The following ERBIN variants were observed in gnomAD, a reference collection of about 807,000 sequenced individuals.
ERBIN encodes densin-180-like protein.
Under a neutral mutation model 158.4 loss-of-function variants are expected in ERBIN, and 60 were observed. That is an observed-to-expected ratio of 0.38 (90% CI 0.31 to 0.47). The LOEUF is 0.47. Among genes scored for constraint, ERBIN ranks in the 20% least tolerant of loss-of-function variants. ERBIN has a pLI of 0.99. For synonymous variants in ERBIN, 594 were observed against 557.2 expected (o/e 1.07, Z -0.93); for missense variants, 1,610 against 1,648.0 (o/e 0.98, Z 0.40).
intron 4 of ERBIN, among the ~76,000 whole-genome samples, chr5:66,005,200 A>T (rs891235970): frequency 1.3e-5 from 2 of 152,094 alleles, no homozygotes; most frequent in Non-Finnish European, 2.9e-5. Flanking sequence ...CAGCCCCTGG[A>T]TATGCTTGAA....
chr5:65,973,943 AGTG>A (rs1308770801), intron 1 of ERBIN, among the ~76,000 whole-genome samples: 4 of 151,428 alleles, frequency 2.6e-5, no homozygotes, highest in Admixed American at 2.6e-4. Flanking sequence ...AATACATAAA[AGTG>A]GGCTGAGGCC....
At position 66,044,276 on chromosome 5, in the gene ERBIN, A is replaced by G. The variant is rs1369396014; in HGVS notation, c.1568A>G (p.Asp523Gly). 6.9e-6 allele frequency: 11 copies of G among 1,604,182 alleles called. No individual in the cohort carries two copies. The African/African-American group carries it at 8.1e-5, about 12-fold the overall frequency. Residue 523 changes from aspartate (D) to glycine (G), a missense_variant, in exon 17 of 26, where the codon GAT becomes GGT. Transcript: ENST00000284037. The part of the protein sequence containing the change: ...DSGRDLKPHE[D>G]QQDINKDVGV... The stretch of plus-strand genomic sequence containing the variant: ...GGAAGAGATTTGAAACCACATGAAG[A>G]TCAACAAGATATAAATAAAGATGTG...
Position 66,054,252 on chromosome 5 carries a change from T to C in ERBIN, c.2934T>C (p.Asn978=). 6.2e-7 allele frequency: 1 copy of C among 1,614,034 alleles called. No individual in the cohort carries two copies. Among genetic ancestry groups the C allele is most frequent in the Non-Finnish European group, 8.5e-7 (1 of 1,179,942 alleles). The part of the protein sequence containing the change: ...APQIYGPPQY[N]IQYSSSAAVK... Reference sequence around the variant, plus strand: ...AAATATATGGTCCTCCACAGTATAATATCCAATACAGTAGCAGTGCTGCAG... The same window carrying C: ...AAATATATGGTCCTCCACAGTATAACATCCAATACAGTAGCAGTGCTGCAG... The change falls in exon 21 of 26, where the codon AAT becomes AAC. Residue 978 remains asparagine, a synonymous_variant. Transcript: ENST00000284037.
intron 14 of ERBIN, among the ~76,000 whole-genome samples, chr5:66,035,611 T>C (rs1469606079): frequency 6.6e-6 from 1 of 152,168 alleles, no homozygotes; most frequent in African/African-American, 2.4e-5. Context: ...CTGGTCCAAA[T>C]TGAGATTTGG....
At chr5:65,973,992 T>A (rs1749575132) in intron 1 of ERBIN, among the ~76,000 whole-genome samples, 1 of 151,136 alleles carries the variant, frequency 6.6e-6, no homozygotes, top group Admixed American at 6.6e-5. Flanking sequence ...TCCAGCACTT[T>A]GGGAGGCTGA....
Position 65,995,485 on chromosome 5 carries a change from T to A in ERBIN, c.307+621T>A, listed in dbSNP as rs929820424. On this transcript the variant is annotated intron_variant, in intron 4 of 25. Transcript: ENST00000284037. ...TTTCTTCTTTTTAAAGGCTGAATAGTATTCCATTGTGTATATCATATTTTC... is the reference window on the plus strand; with the variant it reads ...TTTCTTCTTTTTAAAGGCTGAATAGAATTCCATTGTGTATATCATATTTTC... Among the ~76,000 whole-genome samples, 3 of 152,318 alleles carry A rather than the reference T, an allele frequency of 2.0e-5. No homozygotes were observed. In the East Asian group the frequency reaches 5.8e-4, roughly 29 times the overall value.
At chr5:66,039,476 CAAAGA>C (rs1757733971) in intron 15 of ERBIN, among the ~76,000 whole-genome samples, 1 of 151,840 alleles carries the variant, frequency 6.6e-6, no homozygotes, top group East Asian at 1.9e-4. Flanking sequence ...TCTTCAGAGA[CAAAGA>C]AAAGTAGGAA....
At chr5:65,958,601 G>A (rs1186112770) in intron 1 of ERBIN, among the ~76,000 whole-genome samples, 1 of 145,740 alleles carries the variant, frequency 6.9e-6, no homozygotes, top group African/African-American at 2.5e-5. Flanking sequence ...GGCATCAGAG[G>A]GAGACCGTGG....
chr5:65,948,761 C>CTTTT (rs1561282947), intron 1 of ERBIN, among the ~76,000 whole-genome samples: 3 of 44,422 alleles, frequency 6.8e-5, no homozygotes, highest in African/African-American at 2.3e-4. Flanking sequence ...TTCTGTTTTG[C>CTTTT]GTTTTTTTTT....
chr5:65,930,566 T>C (rs377713203), intron 1 of ERBIN, among the ~76,000 whole-genome samples: 8 of 152,282 alleles, frequency 5.3e-5, no homozygotes, highest in Middle Eastern at 3.4e-3. Flanking sequence ...CCTCGGCCTC[T>C]CAAAGTGCTG....
chr5:65,942,197 T>G (rs190916532), intron 1 of ERBIN, among the ~76,000 whole-genome samples: 1 of 152,212 alleles, frequency 6.6e-6, no homozygotes, highest in Non-Finnish European at 1.5e-5. Flanking sequence ...CAGGAAGCTG[T>G]TAGACCAGTT....
chr5:66,019,061 T>G (rs2151132210), intron 7 of ERBIN, among the ~76,000 whole-genome samples: 1 of 152,326 alleles, frequency 6.6e-6, no homozygotes, highest in Non-Finnish European at 1.5e-5. Context: ...CAACTTTACT[T>G]AATTCGTTTA....
chr5:65,992,382 C>T (rs572983055), intron 2 of ERBIN, among the ~76,000 whole-genome samples: 6 of 152,106 alleles, frequency 3.9e-5, no homozygotes, highest in East Asian at 3.9e-4. Context: ...CTCCTGACCT[C>T]GTGTTCCGCC....
At chr5:65,971,613 G>A (rs1749251759) in intron 1 of ERBIN, among the ~76,000 whole-genome samples, 1 of 152,156 alleles carries the variant, frequency 6.6e-6, no homozygotes, top group Non-Finnish European at 1.5e-5. Context: ...CAAATAACTG[G>A]AAGGCCATCA....
chr5:65,936,613 C>T (rs989294603), intron 1 of ERBIN, among the ~76,000 whole-genome samples: 1 of 152,018 alleles, frequency 6.6e-6, no homozygotes, highest in Admixed American at 6.5e-5. Context: ...AAATTTCTGT[C>T]GATTCTGTCT....
At chr5:65,935,470 A>G (rs1203187399) in intron 1 of ERBIN, among the ~76,000 whole-genome samples, 1 of 152,234 alleles carries the variant, frequency 6.6e-6, no homozygotes, top group Non-Finnish European at 1.5e-5. Flanking sequence ...TTTTTGAGCC[A>G]GAAGTGTCTG....
At chr5:66,006,942 G>A (rs1753667431) in intron 4 of ERBIN, among the ~76,000 whole-genome samples, 2 of 149,208 alleles carry the variant, frequency 1.3e-5, no homozygotes, top group Admixed American at 6.6e-5. Context: ...ACTGTTGGTG[G>A]GACTGTAAAC....
rs780790592 is a variant in ERBIN at position 66,054,499 on chromosome 5, C to A, written c.3181C>A (p.Pro1061Thr). 1 of 1,614,188 alleles carries A rather than the reference C, an allele frequency of 6.2e-7. No individual in the cohort carries two copies. The highest frequency in any genetic ancestry group is 1.7e-5 in the Admixed American group (1 of 60,008). ...ACATGGGGAAATGTGGGCCATCTCA[C>A]CAAACGACCGACTTATTCCTGCAGT... ...ARHGEMWAISPNDRLIPAVTR... is the reference protein window; with the variant it reads ...ARHGEMWAISTNDRLIPAVTR... The change falls in exon 21 of 26, where the codon CCA (proline) becomes ACA (threonine). Residue 1061 changes from proline to threonine, a missense_variant. This residue lies in a region of ERBIN where 1,014 missense variants were observed against 936.1 expected (regional missense o/e 1.08). Transcript: ENST00000284037.
chr5:66,078,321 C>T, intron 25 of ERBIN, 102 bp from the exon 26 acceptor site: 1 of 742,814 alleles, frequency 1.3e-6, no homozygotes, highest in Non-Finnish European at 2.2e-6. Context: ...TTTTAAGTTG[C>T]CAAAGTGATT....
Sources: gnomAD v4.1 joint callset for allele counts (sites outside exome capture counted in the v4.1 genomes callset) on GRCh38, gnomAD v4.1.1 for gene constraint, gnomAD v4.1.1 regional missense constraint, MANE v1.5 for transcripts, NCBI Gene and HGNC (gene_info 2026-07-23, HGNC 2026-07-21) for gene names.